Variants in ARHGAP26 observed in about 807,000 individuals in gnomAD.
ARHGAP26 encodes Rho GTPase activating protein 26, also known as rho GTPase-activating protein 26.
In ARHGAP26, 38 loss-of-function variants were observed where a neutral mutation model predicts 104.8. The ratio of observed to expected loss-of-function variants is 0.36; its 90% confidence interval spans 0.28 to 0.48. ARHGAP26 has a LOEUF of 0.48. Ranked by LOEUF, ARHGAP26 falls within the 20% of genes least tolerant of loss-of-function variation. The pLI is 0.99. For missense variants in ARHGAP26, 704 were observed against 947.9 expected (o/e 0.74, Z 3.38); for synonymous variants, 341 against 340.0 (o/e 1.00, Z -0.03).
chr5:142,839,623 G>A (rs1770343185), intron 1 of ARHGAP26, among the ~76,000 whole-genome samples: 1 of 152,062 alleles, frequency 6.6e-6, no homozygotes, highest in South Asian at 2.1e-4. Flanking sequence ...ACCTCATATA[G>A]GTAAAATAAT....
intron 1 of ARHGAP26, among the ~76,000 whole-genome samples, chr5:142,847,613 T>C (rs1772283420): frequency 6.6e-6 from 1 of 152,182 alleles, no homozygotes; most frequent in Admixed American, 6.5e-5. Context: ...CACCTCGGCC[T>C]CCCAAAGTGC....
rs372103395 is a variant in ARHGAP26 at position 142,812,198 on chromosome 5, T to C, written c.154+41283T>C. On this transcript the variant is annotated intron_variant, in intron 1 of 22. Coordinates refer to ENST00000645722, the MANE Select transcript of ARHGAP26 (RefSeq NM_001135608.3). ...CCTTGCAGTTGCTGTAAGGATCTTT[T>C]TAACCCAGTTCTTTACAGGAAAACT... 2.0e-5 allele frequency among the ~76,000 whole-genome samples: 3 copies of C among 152,308 alleles called. No individual in the cohort carries two copies. In the South Asian group the frequency reaches 6.2e-4, roughly 32 times the overall value.
intron 18 of ARHGAP26, among the ~76,000 whole-genome samples, chr5:143,122,353 C>T (rs1368280946): frequency 6.6e-6 from 1 of 152,196 alleles, no homozygotes; most frequent in Non-Finnish European, 1.5e-5. Flanking sequence ...GTGGTTGGAA[C>T]ACTGTTCTTC....
chr5:142,924,596 G>C (rs1019828848), intron 10 of ARHGAP26, among the ~76,000 whole-genome samples: 4 of 152,244 alleles, frequency 2.6e-5, no homozygotes, highest in South Asian at 4.1e-4. Flanking sequence ...GGGGCTGCCA[G>C]TTGCAGCATC....
chr5:142,843,295 C>T (rs1194971117), intron 1 of ARHGAP26, among the ~76,000 whole-genome samples: 2 of 152,180 alleles, frequency 1.3e-5, no homozygotes, highest in African/African-American at 2.4e-5. Flanking sequence ...TGTGATCACT[C>T]CTGGGAGCCA....
chr5:142,890,152 A>AAAAAAAAAAT (rs1758403264), intron 5 of ARHGAP26, among the ~76,000 whole-genome samples: 1 of 21,930 alleles, frequency 4.6e-5, no homozygotes, highest in Non-Finnish European at 1.0e-4. Context: ...AAAAAAAAAA[A>AAAAAAAAAAT]TATATATATA....
intron 17 of ARHGAP26, among the ~76,000 whole-genome samples, chr5:143,103,934 A>G (rs540920919): frequency 2.2e-3 from 340 of 152,196 alleles, no homozygotes; most frequent in African/African-American, 7.7e-3. Context: ...AACTTAAAGT[A>G]TAATAAAAAT....
intron 11 of ARHGAP26, among the ~76,000 whole-genome samples, chr5:142,959,868 C>T (rs2152654867): frequency 6.6e-6 from 1 of 152,344 alleles, no homozygotes; most frequent in East Asian, 1.9e-4. Flanking sequence ...CCAGCCACAT[C>T]TGACAAGTCT....
intron 1 of ARHGAP26, among the ~76,000 whole-genome samples, chr5:142,849,568 T>C (rs533985599): frequency 6.6e-6 from 1 of 152,290 alleles, no homozygotes; most frequent in African/African-American, 2.4e-5. Flanking sequence ...CTGTGGATCT[T>C]CTCAAGGTTC....
rs915531499 is a variant in ARHGAP26, at chr5:143,083,737, G to A, written c.1538+25990G>A. Among the ~76,000 whole-genome samples the A allele has an allele frequency of 1.4e-4, 21 of 152,276 alleles. No homozygotes were observed. In the South Asian group the frequency reaches 4.2e-3, roughly 30 times the overall value. ...TGGTCTCAAACTCCTGAACTCAGGT[G>A]ATCCATCCACCTCTGCCTCCCAAAA... is the stretch of plus-strand genomic sequence containing the variant. On this transcript the variant is annotated intron_variant, in intron 17 of 22. Transcript: ENST00000645722.
At chr5:143,021,794 A>G (rs976889697) in intron 12 of ARHGAP26, among the ~76,000 whole-genome samples, 9 of 152,214 alleles carry the variant, frequency 5.9e-5, no homozygotes, top group African/African-American at 1.4e-4. Flanking sequence ...TACTCCCACA[A>G]CAAAAGGAAA....
chr5:143,046,710 C>T (rs1278387112), intron 14 of ARHGAP26, among the ~76,000 whole-genome samples: 1 of 152,186 alleles, frequency 6.6e-6, no homozygotes, highest in Non-Finnish European at 1.5e-5. Context: ...TTTATCTATA[C>T]TATTTAATAT....
intron 20 of ARHGAP26, among the ~76,000 whole-genome samples, chr5:143,189,666 C>CTTA (rs1185574233): frequency 1.3e-5 from 2 of 151,928 alleles, no homozygotes; most frequent in Non-Finnish European, 2.9e-5. Flanking sequence ...GTATACCTGC[C>CTTA]TTAGTAATTG....
chr5:142,949,164 CCAGAGAGA>C lies in ARHGAP26; in HGVS notation c.1107+17040_1107+17047del, dbSNP rs1191202308. On this transcript the variant is annotated intron_variant, in intron 11 of 22. Transcript: ENST00000645722. ...CTGCTGAAGTTTTATAGTTGAATTT[CCAGAGAGA>C]GAGAGAGAGAGAGAGAGAGAGAGAG... is the stretch of plus-strand genomic sequence containing the variant. 4.2e-3 allele frequency among the ~76,000 whole-genome samples: 171 copies of C among 40,616 alleles called. 30 individuals carry two copies. The highest frequency in any genetic ancestry group is 0.042 in the East Asian group (30 of 722). 26.6% of individuals were successfully genotyped at this position (40,616 alleles called of 152,430 possible).
At chr5:143,071,173 C>A (rs1204042769) in intron 17 of ARHGAP26, among the ~76,000 whole-genome samples, 1 of 152,062 alleles carries the variant, frequency 6.6e-6, no homozygotes, top group African/African-American at 2.4e-5. Flanking sequence ...ATAGCAAAAG[C>A]AGTCCTGAGA....
At chr5:142,942,731 A>G (rs534628214) in intron 11 of ARHGAP26, among the ~76,000 whole-genome samples, 1 of 152,304 alleles carries the variant, frequency 6.6e-6, no homozygotes, top group Admixed American at 6.5e-5. Flanking sequence ...TAGTGGGACT[A>G]TTTGATTAAT....
intron 22 of ARHGAP26, among the ~76,000 whole-genome samples, chr5:143,221,704 G>T (rs952428559): frequency 1.3e-5 from 2 of 152,098 alleles, no homozygotes; most frequent in African/African-American, 4.8e-5. Flanking sequence ...TGTATATTTT[G>T]TAGAGACAAG....
Position 143,157,775 on chromosome 5 carries a change from G to A in ARHGAP26, c.1988+10394G>A, listed in dbSNP as rs186719456. ...AGTGTATGGCCACAAATAGCTTTCC[G>A]AAGACTGAAATGGGTTATAGGGTTA... On this transcript the variant is annotated intron_variant, in intron 20 of 22. Transcript: ENST00000645722. 5.3e-5 allele frequency among the ~76,000 whole-genome samples: 8 copies of A among 152,296 alleles called. No homozygotes were observed. In the East Asian group the frequency reaches 9.6e-4, roughly 18 times the overall value.
chr5:143,176,949 G>A (rs1473170158), intron 20 of ARHGAP26, among the ~76,000 whole-genome samples: 1 of 152,186 alleles, frequency 6.6e-6, no homozygotes, highest in Non-Finnish European at 1.5e-5. Context: ...TCTGTGGAAA[G>A]CAAAGCTGTG....
Sources: gnomAD v4.1 joint callset for allele counts (sites outside exome capture counted in the v4.1 genomes callset) on GRCh38, gnomAD v4.1.1 for gene constraint, MANE v1.5 for transcripts, NCBI Gene and HGNC (gene_info 2026-07-23, HGNC 2026-07-21) for gene names.